ROR2: variants seen among roughly 807,000 people sequenced by gnomAD.
ROR2 encodes the protein ROR family WNT receptor 2, also known as tyrosine-protein kinase transmembrane receptor ROR2.
A neutral mutation model predicts 74.9 loss-of-function variants in ROR2; 33 were observed. That is an observed-to-expected ratio of 0.44 (90% CI 0.33 to 0.59). ROR2 has a LOEUF of 0.59. Among genes scored for constraint, ROR2 ranks in the 20% least tolerant of loss-of-function variants. ROR2 has a pLI of 0.02. For missense variants in ROR2, 1,216 were observed against 1,313.8 expected (o/e 0.93, Z 1.15); for synonymous variants, 586 against 558.7 (o/e 1.05, Z -0.69).
At chr9:91,770,813 A>G (rs1444854947) in intron 2 of ROR2, among the ~76,000 whole-genome samples, 2 of 152,188 alleles carry the variant, frequency 1.3e-5, no homozygotes, top group African/African-American at 2.4e-5. Context: ...CCCTCACTCT[A>G]TGTTAAACCT....
chr9:91,782,631 G>GTTGT (rs1292131033), intron 1 of ROR2, among the ~76,000 whole-genome samples: 1 of 131,242 alleles, frequency 7.6e-6, no homozygotes, highest in Non-Finnish European at 1.7e-5. Context: ...TAAGAAAGAA[G>GTTGT]TTGTGTTGGG....
At chr9:91,808,689 T>G (rs1156495165) in intron 1 of ROR2, among the ~76,000 whole-genome samples, 2 of 151,132 alleles carry the variant, frequency 1.3e-5, no homozygotes, top group East Asian at 3.9e-4. Flanking sequence ...CTGGGCACGG[T>G]GGCTCACGTC....
chr9:91,763,312 T>C (rs914163144), intron 2 of ROR2, among the ~76,000 whole-genome samples: 1 of 152,156 alleles, frequency 6.6e-6, no homozygotes, highest in African/African-American at 2.4e-5. Flanking sequence ...TACATGTACC[T>C]CCGAACCTAA....
At chr9:91,749,628 C>G (rs1329113351) in intron 4 of ROR2, among the ~76,000 whole-genome samples, 1 of 152,144 alleles carries the variant, frequency 6.6e-6, no homozygotes, top group Non-Finnish European at 1.5e-5. Context: ...CTGTGGAATT[C>G]GTCCAGGAAC....
intron 1 of ROR2, among the ~76,000 whole-genome samples, chr9:91,835,269 T>C (rs1828576521): frequency 6.6e-6 from 1 of 152,162 alleles, no homozygotes. Flanking sequence ...GAAACAAACA[T>C]GCTAGGCCAC....
At chr9:91,793,433 C>G (rs1214640852) in intron 1 of ROR2, among the ~76,000 whole-genome samples, 1 of 151,446 alleles carries the variant, frequency 6.6e-6, no homozygotes, top group Non-Finnish European at 1.5e-5. Flanking sequence ...TCCAAATGAT[C>G]ACAGACTTAA....
At chr9:91,924,590 G>C (rs1040856733) in intron 1 of ROR2, among the ~76,000 whole-genome samples, 1 of 152,112 alleles carries the variant, frequency 6.6e-6, no homozygotes. Flanking sequence ...TCAGGAGATC[G>C]AGACCATCCT....
At chr9:91,753,333 T>C (rs1587686796) in intron 4 of ROR2, among the ~76,000 whole-genome samples, 2 of 152,304 alleles carry the variant, frequency 1.3e-5, no homozygotes, top group African/African-American at 2.4e-5. Flanking sequence ...TGCCAAGCAA[T>C]GTGTGTCCAC....
chr9:91,733,893 G>A lies in ROR2; in HGVS notation c.623-457C>T, dbSNP rs1824921373. ...CCCAGATCTGTCTGGGGAGAAGGCT[G>A]TCCCGGAAGAGGGAGTCAGCTCAGC... On this transcript the variant is annotated intron_variant, in intron 5 of 8. Transcript: ENST00000375708. The surrounding 1 kb of genome is among the most constrained non-coding windows in gnomAD (Gnocchi z 5.7). 6.6e-6 allele frequency among the ~76,000 whole-genome samples: 1 copy of A among 152,208 alleles called. No homozygotes were observed. Among genetic ancestry groups the A allele is most frequent in the Non-Finnish European group, 1.5e-5 (1 of 68,040 alleles).
chr9:91,947,736 AT>A (rs2118108580), intron 1 of ROR2, among the ~76,000 whole-genome samples: 1 of 152,332 alleles, frequency 6.6e-6, no homozygotes, highest in South Asian at 2.1e-4. Flanking sequence ...AAAATGTGGA[AT>A]AAGAACTTAC....
chr9:91,911,406 C>T (rs984356798), intron 1 of ROR2, among the ~76,000 whole-genome samples: 1 of 152,178 alleles, frequency 6.6e-6, no homozygotes, highest in African/African-American at 2.4e-5. Context: ...CACTGTGTAT[C>T]TGTGTATCTA....
At chr9:91,775,700 C>A in intron 2 of ROR2, 41 bp downstream of exon 2, 1 of 1,579,952 alleles carries the variant, frequency 6.3e-7, no homozygotes. Flanking sequence ...CAGCACAGGG[C>A]ATTTGGAGGA....
intron 1 of ROR2, among the ~76,000 whole-genome samples, chr9:91,805,672 T>C (rs1397975314): frequency 6.6e-6 from 1 of 152,112 alleles, no homozygotes; most frequent in African/African-American, 2.4e-5. Flanking sequence ...TACACACCCA[T>C]GCACATGCTC....
intron 1 of ROR2, among the ~76,000 whole-genome samples, chr9:91,945,422 T>C (rs1238439290): frequency 6.6e-6 from 1 of 152,054 alleles, no homozygotes; most frequent in Non-Finnish European, 1.5e-5. Flanking sequence ...AGGGGAACCC[T>C]CCCCCACTCC....
At chr9:91,911,729 CAA>C (rs1285114928) in intron 1 of ROR2, among the ~76,000 whole-genome samples, 2 of 152,034 alleles carry the variant, frequency 1.3e-5, no homozygotes, top group Non-Finnish European at 2.9e-5. Context: ...TACTCACACT[CAA>C]AGTATCTTCT....
chr9:91,803,187 A>C (rs1206385373), intron 1 of ROR2, among the ~76,000 whole-genome samples: 2 of 152,228 alleles, frequency 1.3e-5, no homozygotes, highest in African/African-American at 4.8e-5. Flanking sequence ...TGAAGAGATA[A>C]ACAAATGTGG....
intron 5 of ROR2, 55 bp downstream of exon 5, chr9:91,737,336 G>T: frequency 6.2e-7 from 1 of 1,611,156 alleles, no homozygotes; most frequent in African/African-American, 1.3e-5. Context: ...CCATCTGTGC[G>T]ACAGATGGCT....
intron 1 of ROR2, among the ~76,000 whole-genome samples, chr9:91,887,788 C>CTTTTTTTTTT (rs771557997): frequency 2.0e-4 from 20 of 100,682 alleles, no homozygotes; most frequent in East Asian, 5.8e-4. Context: ...CTTTTTTTCT[C>CTTTTTTTTTT]TTTTTTTTTT....
intron 5 of ROR2, among the ~76,000 whole-genome samples, chr9:91,734,786 A>T (rs1819966033): frequency 6.6e-6 from 1 of 152,168 alleles, no homozygotes; most frequent in African/African-American, 2.4e-5. Flanking sequence ...GGTCTGGTAA[A>T]AGGCGGCGTC....
Sources: allele counts gnomAD v4.1 joint callset (sites outside exome capture counted in the v4.1 genomes callset), GRCh38; gene constraint gnomAD v4.1.1; non-coding constraint Gnocchi (gnomAD v3.1); transcripts MANE v1.5; gene names NCBI Gene and HGNC (gene_info 2026-07-23, HGNC 2026-07-21).